Variants in ATP1A1 observed in about 807,000 individuals in gnomAD.
ATP1A1 encodes ATPase Na+/K+ transporting subunit alpha 1.
A neutral mutation model predicts 114.8 loss-of-function variants in ATP1A1; 14 were observed. The ratio of observed to expected loss-of-function variants is 0.12; its 90% CI spans 0.08 to 0.19. The LOEUF is 0.19. ATP1A1 is among the 10% of genes least tolerant of loss of function. The pLI is 1.00. For synonymous variants in ATP1A1, 471 were observed against 466.3 expected, an observed-to-expected ratio of 1.01 and a Z score of -0.13; for missense variants, 524 against 1,290.7, an observed-to-expected ratio of 0.41 and a Z score of 9.10.
rs763574593 is a variant in ATP1A1 at position 116,395,323 on chromosome 1, G to A, written c.1836+38G>A. On this transcript the variant is annotated intron_variant, in intron 13 of 22. Transcript: ENST00000295598. The surrounding 1 kb of genome is among the most constrained non-coding windows in gnomAD (Gnocchi z 6.4). ...CGCCTCCTTGGCTTCATCTCTTAGT[G>A]CCTTGGGACACCCTACTCAGTGAAT... 2.5e-6 allele frequency: 4 copies of A among 1,606,032 alleles called. No individual in the cohort carries two copies. The highest frequency in any genetic ancestry group is 3.4e-6 in the Non-Finnish European group (4 of 1,176,096).
Position 116,401,831 on chromosome 1 carries a change from G to C in ATP1A1, c.2951+176G>C. 1 of 639,676 alleles carries C rather than the reference G, an allele frequency of 1.6e-6. No individual in the cohort carries two copies. The highest frequency in any genetic ancestry group is 2.7e-6 in the Non-Finnish European group (1 of 366,968). 39.6% of individuals were successfully genotyped at this position (639,676 alleles called of 1,614,324 possible). A position where few individuals can be genotyped will look rare whatever the true frequency, so the allele number is the denominator to read the frequency against. ...TCAGTAAATCAGACTAACAAATCCT[G>C]AGGCTTCCATGATAGCAGCTAGTGT... On this transcript the variant is annotated intron_variant, in intron 21 of 22. Coordinates refer to ENST00000295598, the MANE Select transcript of ATP1A1 (RefSeq NM_000701.8). The surrounding 1 kb of genome is among the most constrained non-coding windows in gnomAD (Gnocchi z 4.7).
At position 116,397,744 on chromosome 1, in the gene ATP1A1, C is replaced by T. The variant is rs1360887461; in HGVS notation, c.1974-144C>T. The T allele has an allele frequency of 2.9e-6, 3 of 1,027,690 alleles. No individual in the cohort carries two copies. Among genetic ancestry groups the T allele is most frequent in the Admixed American group, 2.6e-5 (1 of 38,068 alleles). The allele number at this position is 1,027,690 out of a possible 1,614,324, so 63.7% of individuals were successfully genotyped here. ...TCTGTAACCTGTAAAGTACTGAACA[C>T]TTAATAGCTTTTATGTGCTGGGGAA... On this transcript the variant is annotated intron_variant, in intron 14 of 22. Coordinates refer to ENST00000295598, the MANE Select transcript of ATP1A1 (RefSeq NM_000701.8). This position sits in a 1 kb window ranked among gnomAD's most constrained non-coding sequence, Gnocchi z 4.2.
Position 116,384,910 on chromosome 1 carries a change from CAT to C in ATP1A1, c.183+70_183+71del. On this transcript the variant is annotated intron_variant, in intron 3 of 22. Coordinates refer to ENST00000295598, the MANE Select transcript of ATP1A1 (RefSeq NM_000701.8). The surrounding 1 kb of genome is among the most constrained non-coding windows in gnomAD (Gnocchi z 5.1). ...CCGTATTATATTTTCCCCTGTATTACATACAGGTCTAACCTCAGGGGCTCTAG... is the reference window on the plus strand; with the variant it reads ...CCGTATTATATTTTCCCCTGTATTACACAGGTCTAACCTCAGGGGCTCTAG... 1 of 1,461,254 alleles carries C rather than the reference CAT, an allele frequency of 6.8e-7. No individual in the cohort carries two copies. 90.5% of individuals were successfully genotyped at this position (1,461,254 alleles called of 1,614,324 possible).
At chr1:116,376,581 G>C (rs544541758) in intron 1 of ATP1A1, among the ~76,000 whole-genome samples, 2 of 152,116 alleles carry the variant, frequency 1.3e-5, no homozygotes, top group East Asian at 3.9e-4. Flanking sequence ...CTGCTTCTTA[G>C]GTTCTTTCTG....
chr1:116,382,762 C>T (rs1651829327), intron 1 of ATP1A1, among the ~76,000 whole-genome samples: 1 of 152,114 alleles, frequency 6.6e-6, no homozygotes, highest in Non-Finnish European at 1.5e-5. Flanking sequence ...TTTTTCATTT[C>T]AGCACAGTGA....
At chr1:116,396,276 C>CTTTTTTTTTTTT (rs367825500) in intron 13 of ATP1A1, among the ~76,000 whole-genome samples, 8 of 102,656 alleles carry the variant, frequency 7.8e-5, no homozygotes, top group African/African-American at 2.8e-4. Flanking sequence ...GATTTTTATC[C>CTTTTTTTTTTTT]TTTTTTTTTT....
chr1:116,389,615 C>G lies in ATP1A1; in HGVS notation c.931C>G (p.Leu311Val), dbSNP rs1652309383. 1.9e-6 allele frequency: 3 copies of G among 1,614,202 alleles called. No homozygotes were observed. Among genetic ancestry groups the G allele is most frequent in the Non-Finnish European group, 2.5e-6 (3 of 1,180,034 alleles). Residue 311 changes from leucine (L) to valine (V), a missense_variant, in exon 8 of 23, where the codon CTC becomes GTC. Physicochemically the swap from Leu to Val is conservative, Grantham distance 32. This residue lies in a region of ATP1A1 where 28 missense variants were observed against 131.8 expected (regional missense o/e 0.21). Coordinates refer to ENST00000295598, the MANE Select transcript of ATP1A1 (RefSeq NM_000701.8). The surrounding 1 kb of genome is among the most constrained non-coding windows in gnomAD (Gnocchi z 6.9). Reference sequence around the variant, plus strand: ...GGGTGTGTCTTTCTTCATCCTTTCTCTCATCCTTGAGTACACCTGGCTTGA... The same window carrying G: ...GGGTGTGTCTTTCTTCATCCTTTCTGTCATCCTTGAGTACACCTGGCTTGA... Reference protein sequence around the residue: ...FLGVSFFILSLILEYTWLEAV... With the variant: ...FLGVSFFILSVILEYTWLEAV...
At chr1:116,375,025 A>G (rs142743856) in intron 1 of ATP1A1, among the ~76,000 whole-genome samples, 600 of 152,290 alleles carry the variant, frequency 3.9e-3, no homozygotes, top group Non-Finnish European at 6.1e-3. Flanking sequence ...CATTCCCCTG[A>G]TGGAGTCTGG....
chr1:116,373,718 G>C (rs1268294272), intron 1 of ATP1A1, 195 bp downstream of exon 1: 1 of 932,784 alleles, frequency 1.1e-6, no homozygotes, highest in Non-Finnish European at 1.4e-6. Context: ...GGGGGGCGGG[G>C]GAAGGGAGCG....
chr1:116,390,537 T>G (rs71666789), intron 9 of ATP1A1, 126 bp downstream of exon 9: 4 of 301,778 alleles, frequency 1.3e-5, no homozygotes, highest in South Asian at 7.4e-5. Flanking sequence ...TTCTTTTTTG[T>G]TTTTTTTTTT....
rs867161345 is a variant in ATP1A1, at chr1:116,389,973, G to A, written c.1024-240G>A. 1 of 666,144 alleles carries A rather than the reference G, an allele frequency of 1.5e-6. No homozygotes were observed. Among genetic ancestry groups the A allele is most frequent in the Non-Finnish European group, 2.5e-6 (1 of 399,906 alleles). The allele number at this position is 666,144 out of a possible 1,614,324, so 41.3% of individuals were successfully genotyped here. On this transcript the variant is annotated intron_variant, in intron 8 of 22. Transcript: ENST00000295598. The surrounding 1 kb of genome is among the most constrained non-coding windows in gnomAD (Gnocchi z 6.9). ...TGCAGTGGAGAAAGGAGAAGAACTT[G>A]GGATCAAGTAGGGGGATAGAATATG...
At chr1:116,374,215 C>T (rs1651199380) in intron 1 of ATP1A1, 9 of 1,551,282 alleles carry the variant, frequency 5.8e-6, no homozygotes, top group African/African-American at 1.4e-5. Context: ...AAGGGTGTGT[C>T]TTCACTGCCC....
In ATP1A1 at chr1:116,404,467, A is replaced by AGCATCAG; in HGVS notation, c.*26_*32dup. On this transcript the variant is annotated 3_prime_UTR_variant, in exon 23 of 23. Transcript: ENST00000295598. This position sits in a 1 kb window ranked among gnomAD's most constrained non-coding sequence, Gnocchi z 4.8. ...TAGCCCCCCGTCCTGCACGCCGTGGAGCATCAGGCCACACACTCTGCATCC... is the reference window on the plus strand; with the variant it reads ...TAGCCCCCCGTCCTGCACGCCGTGGAGCATCAGGCATCAGGCCACACACTCTGCATCC... 6.2e-7 allele frequency: 1 copy of AGCATCAG among 1,606,226 alleles called. No homozygotes were observed. The highest frequency in any genetic ancestry group is 8.5e-7 in the Non-Finnish European group (1 of 1,177,718).
chr1:116,385,267 T>C lies in ATP1A1; in HGVS notation c.183+425T>C. On this transcript the variant is annotated intron_variant, in intron 3 of 22. Coordinates refer to ENST00000295598, the MANE Select transcript of ATP1A1 (RefSeq NM_000701.8). This position sits in a 1 kb window ranked among gnomAD's most constrained non-coding sequence, Gnocchi z 4.3. Reference sequence around the variant, plus strand: ...GCTAGCCCATTGCAGTGTGTTATGGTTATACTATCATTTGTTTAGTTATTC... The same window carrying C: ...GCTAGCCCATTGCAGTGTGTTATGGCTATACTATCATTTGTTTAGTTATTC... The C allele has an allele frequency of 5.9e-6, 1 of 169,102 alleles. No homozygotes were observed. The highest frequency in any genetic ancestry group is 1.3e-5 in the Non-Finnish European group (1 of 79,528). The allele number at this position is 169,102 out of a possible 1,614,324, so 10.5% of individuals were successfully genotyped here.
intron 12 of ATP1A1, among the ~76,000 whole-genome samples, chr1:116,394,814 A>C (rs1652772487): frequency 6.6e-6 from 1 of 152,178 alleles, no homozygotes; most frequent in Non-Finnish European, 1.5e-5. Context: ...CTAGAACCCT[A>C]ATATCCTGGT....
rs75507023 is a variant in ATP1A1, at chr1:116,388,487, A to C, written c.502-151A>C. On this transcript the variant is annotated intron_variant, in intron 5 of 22. Transcript: ENST00000295598. This position sits in a 1 kb window ranked among gnomAD's most constrained non-coding sequence, Gnocchi z 5.6. The stretch of plus-strand genomic sequence containing the variant: ...AGCAATATCTCTTAAACTGGCGAGC[A>C]AGCTTTTGTAACTTGTGTAAATAAA... 8,253 of 1,187,256 alleles carry C rather than the reference A, an allele frequency of 7.0e-3. 475 individuals are homozygous for C. In the African/African-American group the frequency reaches 0.11, roughly 16 times the overall value. 73.5% of individuals were successfully genotyped at this position (1,187,256 alleles called of 1,614,324 possible). A position where few individuals can be genotyped will look rare whatever the true frequency, so the allele number is the denominator to read the frequency against.
intron 1 of ATP1A1, among the ~76,000 whole-genome samples, chr1:116,376,946 C>T (rs1651411336): frequency 6.6e-6 from 1 of 152,226 alleles, no homozygotes; most frequent in East Asian, 1.9e-4. Context: ...GCTTGGCACT[C>T]ATCCATGCTC....
At chr1:116,396,790 TA>T in intron 14 of ATP1A1, 56 bp downstream of exon 14, 1 of 1,495,262 alleles carries the variant, frequency 6.7e-7, no homozygotes, top group South Asian at 1.4e-5. Flanking sequence ...AGTGATGGTT[TA>T]AAATCTTCAG....
In ATP1A1 at chr1:116,401,025, C is replaced by T; in HGVS notation, c.2718+19C>T. On this transcript the variant is annotated intron_variant, in intron 19 of 22. Coordinates refer to ENST00000295598, the MANE Select transcript of ATP1A1 (RefSeq NM_000701.8). The surrounding 1 kb of genome is among the most constrained non-coding windows in gnomAD (Gnocchi z 4.7). ...GCAGTGGGTGAGTGGGCACCTCTGA[C>T]CTGACCAGTGTCAGAGCTCCTCAAG... is the stretch of plus-strand genomic sequence containing the variant. The T allele has an allele frequency of 4.3e-6, 7 of 1,613,992 alleles. No homozygotes were observed. Among genetic ancestry groups the T allele is most frequent in the Non-Finnish European group, 5.1e-6 (6 of 1,179,880 alleles).
Sources: gnomAD v4.1 joint callset for allele counts (sites outside exome capture counted in the v4.1 genomes callset) on GRCh38, gnomAD v4.1.1 for gene constraint, gnomAD v4.1.1 regional missense constraint, Gnocchi (gnomAD v3.1) non-coding constraint, MANE v1.5 for transcripts, NCBI Gene and HGNC (gene_info 2026-07-23, HGNC 2026-07-21) for gene names.